The following TANGO6 variants were observed in gnomAD, a reference collection of about 807,000 sequenced individuals.
The protein encoded by TANGO6 is transport and golgi organization 6 homolog, also known as transport and Golgi organization protein 6 homolog.
TANGO6 carries 90 observed loss-of-function variants against 114.2 expected under a neutral mutation model. That is an observed-to-expected ratio of 0.79 (90% CI 0.66 to 0.94). The LOEUF (loss-of-function observed/expected upper bound fraction) is 0.94, where lower values mean the gene tolerates loss of function less well. Among genes scored for constraint, TANGO6 ranks in the 40% least tolerant of loss-of-function variants. TANGO6 has a pLI of 0.00. For synonymous variants in TANGO6, 477 were observed against 509.8 expected (o/e 0.94, Z 0.87); for missense variants, 1,274 against 1,315.3 (o/e 0.97, Z 0.49).
intron 14 of TANGO6, among the ~76,000 whole-genome samples, chr16:68,939,927 C>T (rs1199643441): frequency 6.6e-6 from 1 of 152,012 alleles, no homozygotes; most frequent in East Asian, 1.9e-4. Flanking sequence ...GTGGGACTGC[C>T]TGTGATTCAT....
intron 12 of TANGO6, among the ~76,000 whole-genome samples, chr16:68,921,217 C>G (rs1963087993): frequency 6.8e-6 from 1 of 147,642 alleles, no homozygotes; most frequent in Non-Finnish European, 1.5e-5. Flanking sequence ...GAGTCTTACT[C>G]TGTCACCCAG....
Position 68,974,143 on chromosome 16 carries a change from C to G in TANGO6, c.2817C>G (p.Val939=), listed in dbSNP as rs1350292483. 22 of 1,613,806 alleles carry G rather than the reference C, an allele frequency of 1.4e-5. No homozygotes were observed. In the Admixed American group the frequency reaches 1.7e-4, roughly 12 times the overall value. ...AGACCAGAATGAAAGTCGGGGAAGTCCTTATGCGAATCGTCAGGGCATTAG... is the reference window on the plus strand; with the variant it reads ...AGACCAGAATGAAAGTCGGGGAAGTGCTTATGCGAATCGTCAGGGCATTAG... The part of the protein sequence containing the change: ...TPETRMKVGE[V]LMRIVRALGD... Residue 939 remains valine (V), a synonymous_variant, in exon 15 of 18, where the codon GTC becomes GTG. Coordinates refer to ENST00000261778, the MANE Select transcript of TANGO6 (RefSeq NM_024562.2).
At chr16:68,967,815 G>A (rs549963638) in intron 14 of TANGO6, among the ~76,000 whole-genome samples, 1 of 152,150 alleles carries the variant, frequency 6.6e-6, no homozygotes, top group Non-Finnish European at 1.5e-5. Flanking sequence ...CCCTGGGATA[G>A]AGCCAGTTAG....
intron 15 of TANGO6, among the ~76,000 whole-genome samples, chr16:69,001,048 A>AT (rs1366130290): frequency 6.6e-6 from 1 of 152,176 alleles, no homozygotes; most frequent in Non-Finnish European, 1.5e-5. Flanking sequence ...AAATTACTTT[A>AT]TTTTTTGAAG....
At chr16:69,006,514 A>G (rs1964093106) in intron 15 of TANGO6, among the ~76,000 whole-genome samples, 2 of 151,898 alleles carry the variant, frequency 1.3e-5, no homozygotes, top group African/African-American at 2.4e-5. Context: ...GAGGCCAAGG[A>G]AAGTGGATCA....
intron 14 of TANGO6, among the ~76,000 whole-genome samples, chr16:68,958,480 A>T (rs1384528243): frequency 7.3e-6 from 1 of 137,914 alleles, no homozygotes; most frequent in African/African-American, 2.8e-5. Context: ...CAAGAGCGAA[A>T]CTCTGTCTCA....
intron 14 of TANGO6, among the ~76,000 whole-genome samples, chr16:68,960,057 T>A (rs1229008656): frequency 6.6e-6 from 1 of 152,232 alleles, no homozygotes; most frequent in Admixed American, 6.5e-5. Context: ...GCCCCTCTTT[T>A]CTTTTTACTG....
chr16:68,897,388 G>GT (rs1428822889), intron 7 of TANGO6, among the ~76,000 whole-genome samples: 3 of 152,048 alleles, frequency 2.0e-5, no homozygotes, highest in Non-Finnish European at 4.4e-5. Flanking sequence ...GTTCAGCACC[G>GT]TATCTGCAGG....
At chr16:68,983,027 T>C (rs1168351392) in intron 15 of TANGO6, among the ~76,000 whole-genome samples, 1 of 152,026 alleles carries the variant, frequency 6.6e-6, no homozygotes, top group Non-Finnish European at 1.5e-5. Flanking sequence ...TTTCTTTTTT[T>C]TTATTTTGAT....
At chr16:69,061,543 ACT>A (rs1229127368) in intron 17 of TANGO6, among the ~76,000 whole-genome samples, 2 of 151,826 alleles carry the variant, frequency 1.3e-5, no homozygotes, top group African/African-American at 2.4e-5. Context: ...ACAGAGTGAG[ACT>A]CTGTCTCAAA....
chr16:69,003,914 C>G (rs1172083459), intron 15 of TANGO6, among the ~76,000 whole-genome samples: 1 of 151,958 alleles, frequency 6.6e-6, no homozygotes, highest in Non-Finnish European at 1.5e-5. Context: ...TCATCTCTTT[C>G]CCCTACTTAC....
chr16:68,888,016 T>C (rs567452781), intron 7 of TANGO6, among the ~76,000 whole-genome samples: 4 of 152,192 alleles, frequency 2.6e-5, no homozygotes, highest in Non-Finnish European at 5.9e-5. Flanking sequence ...GAGCAGGTGG[T>C]TCTGATGGCT....
chr16:68,926,269 G>A (rs373111302), intron 12 of TANGO6, among the ~76,000 whole-genome samples: 2 of 151,968 alleles, frequency 1.3e-5, no homozygotes, highest in East Asian at 2.0e-4. Context: ...CAAGGTGGGC[G>A]GATCACCTGA....
intron 12 of TANGO6, among the ~76,000 whole-genome samples, chr16:68,921,054 G>A (rs868071485): frequency 1.4e-5 from 2 of 147,580 alleles, no homozygotes; most frequent in Non-Finnish European, 3.0e-5. Flanking sequence ...AGTGGGCGGA[G>A]GTTGCAGTGA....
At chr16:68,871,635 C>G (rs965970654) in intron 4 of TANGO6, among the ~76,000 whole-genome samples, 3 of 151,522 alleles carry the variant, frequency 2.0e-5, no homozygotes, top group Admixed American at 6.6e-5. Flanking sequence ...TTTTTTTTCC[C>G]CAGAGACAGG....
intron 16 of TANGO6, among the ~76,000 whole-genome samples, chr16:69,031,675 TG>T (rs1282890541): frequency 1.3e-5 from 2 of 151,930 alleles, no homozygotes; most frequent in African/African-American, 4.8e-5. Flanking sequence ...TTTTTTTTTT[TG>T]ATACAGAGTT....
chr16:69,030,848 G>A (rs778309245), intron 16 of TANGO6, among the ~76,000 whole-genome samples: 1 of 151,560 alleles, frequency 6.6e-6, no homozygotes, highest in Non-Finnish European at 1.5e-5. Context: ...TCAAGAGATC[G>A]AGACCATCCT....
At chr16:68,860,614 C>A (rs1055225294) in intron 2 of TANGO6, 90 bp downstream of exon 2, 11 of 1,469,860 alleles carry the variant, frequency 7.5e-6, no homozygotes, top group Admixed American at 2.2e-5. Context: ...AAAGGCAACT[C>A]TTAGTTCTTC....
At chr16:68,880,065 C>T (rs1294978173) in intron 6 of TANGO6, among the ~76,000 whole-genome samples, 3 of 152,086 alleles carry the variant, frequency 2.0e-5, no homozygotes, top group Non-Finnish European at 4.4e-5. Flanking sequence ...CTCCGCCTCC[C>T]GGGTTCAAGC....
Sources: gnomAD v4.1 joint callset for allele counts (sites outside exome capture counted in the v4.1 genomes callset) on GRCh38, gnomAD v4.1.1 for gene constraint, MANE v1.5 for transcripts, NCBI Gene and HGNC (gene_info 2026-07-23, HGNC 2026-07-21) for gene names.